Variants in ANKRD44 observed in about 807,000 individuals in gnomAD.
ANKRD44 encodes the protein serine/threonine-protein phosphatase 6 regulatory ankyrin repeat subunit B.
A neutral mutation model predicts 116.0 loss-of-function variants in ANKRD44; 35 were observed. The observed-to-expected ratio is 0.30, with a 90% CI of 0.23 to 0.40. The LOEUF (loss-of-function observed/expected upper bound fraction) is 0.40. Among genes scored for constraint, ANKRD44 ranks in the 10% least tolerant of loss-of-function variants. The probability of loss-of-function intolerance (pLI) is 1.00; values close to 1 mark genes in which losing one functional copy is unlikely to be tolerated. For missense variants in ANKRD44, 1,014 were observed against 1,242.6 expected, an observed-to-expected ratio of 0.82 and a Z score of 2.77; for synonymous variants, 435 against 461.8, an observed-to-expected ratio of 0.94 and a Z score of 0.74.
chr2:197,073,567 C>T (rs1000005099), intron 16 of ANKRD44, among the ~76,000 whole-genome samples: 4 of 152,196 alleles, frequency 2.6e-5, no homozygotes, highest in South Asian at 4.1e-4. Context: ...ATTTAGTCTT[C>T]AGATTTATCA....
At chr2:197,166,221 T>C (rs79113408) in intron 2 of ANKRD44, among the ~76,000 whole-genome samples, 49 of 152,294 alleles carry the variant, frequency 3.2e-4, no homozygotes, top group Non-Finnish European at 5.0e-4. Context: ...TCTGAAAGCT[T>C]TTGAGTTGGC....
intron 12 of ANKRD44, among the ~76,000 whole-genome samples, chr2:197,087,180 T>C (rs2077945397): frequency 6.6e-6 from 1 of 152,196 alleles, no homozygotes; most frequent in Non-Finnish European, 1.5e-5. Context: ...CACAGCAGAA[T>C]GAATTCACCA....
At chr2:197,248,554 A>ATGTG (rs3057750) in intron 1 of ANKRD44, among the ~76,000 whole-genome samples, 27 of 135,322 alleles carry the variant, frequency 2.0e-4, no homozygotes, top group Non-Finnish European at 3.3e-4. Context: ...ATATATGTAT[A>ATGTG]TGTGTGTGTG....
intron 10 of ANKRD44, among the ~76,000 whole-genome samples, chr2:197,091,199 G>A (rs2078035955): frequency 6.6e-6 from 1 of 152,222 alleles, no homozygotes; most frequent in African/African-American, 2.4e-5. Context: ...GGGAGTTGCA[G>A]GCACCCCCGC....
intron 1 of ANKRD44, among the ~76,000 whole-genome samples, chr2:197,278,875 T>C (rs1489801661): frequency 6.6e-6 from 1 of 152,214 alleles, no homozygotes; most frequent in Admixed American, 6.5e-5. Context: ...GGCGGTGTGG[T>C]CTGGAGCAAA....
At chr2:197,165,223 G>A (rs1272761113) in intron 2 of ANKRD44, among the ~76,000 whole-genome samples, 1 of 152,166 alleles carries the variant, frequency 6.6e-6, no homozygotes, top group East Asian at 1.9e-4. Context: ...AAACAAGATG[G>A]CACCATCGGA....
rs568351668 is a variant in ANKRD44, at chr2:197,214,125, A to T, written c.28-27019T>A. On this transcript the variant is annotated intron_variant, in intron 1 of 27. Transcript: ENST00000282272. ...ACCCCCATAATTTTTGTGGGAAATT[A>T]CTATAAGGAAATGATCAGAGATGAG... Among the ~76,000 whole-genome samples the T allele has an allele frequency of 1.4e-4, 22 of 152,312 alleles. 1 individual carries two copies. The highest frequency in any genetic ancestry group is 6.8e-3 in the Middle Eastern group (2 of 294).
intron 3 of ANKRD44, among the ~76,000 whole-genome samples, chr2:197,137,927 T>C (rs1417727832): frequency 2.0e-5 from 3 of 152,220 alleles, no homozygotes; most frequent in Admixed American, 2.0e-4. Context: ...TGTGCAAAAA[T>C]CAATAGGCAT....
intron 10 of ANKRD44, among the ~76,000 whole-genome samples, chr2:197,095,801 C>T (rs1396702630): frequency 6.6e-6 from 1 of 152,184 alleles, no homozygotes; most frequent in Non-Finnish European, 1.5e-5. Context: ...TTAAATGTAA[C>T]CCCTCAGAGC....
chr2:197,233,341 A>G (rs954539160), intron 1 of ANKRD44, among the ~76,000 whole-genome samples: 9 of 152,228 alleles, frequency 5.9e-5, no homozygotes, highest in South Asian at 2.1e-4. Context: ...GAAATGATCA[A>G]TGTGCCTCTC....
intron 10 of ANKRD44, among the ~76,000 whole-genome samples, chr2:197,091,400 T>C (rs887535617): frequency 2.6e-5 from 4 of 152,156 alleles, no homozygotes; most frequent in Non-Finnish European, 4.4e-5. Context: ...GTCAGGGAAA[T>C]ATCCTGCTTC....
At chr2:197,130,831 A>C (rs1401392029) in intron 4 of ANKRD44, among the ~76,000 whole-genome samples, 1 of 152,230 alleles carries the variant, frequency 6.6e-6, no homozygotes, top group Non-Finnish European at 1.5e-5. Flanking sequence ...TAAAATTTCA[A>C]CTGTAAAATA....
intron 16 of ANKRD44, among the ~76,000 whole-genome samples, chr2:197,032,424 T>C (rs981766093): frequency 6.7e-6 from 1 of 149,458 alleles, no homozygotes; most frequent in Non-Finnish European, 1.5e-5. Flanking sequence ...AGTCTCGCTC[T>C]GTTGCCCAGG....
At chr2:197,198,382 T>C (rs2081009814) in intron 1 of ANKRD44, among the ~76,000 whole-genome samples, 1 of 152,194 alleles carries the variant, frequency 6.6e-6, no homozygotes, top group Non-Finnish European at 1.5e-5. Flanking sequence ...AGGAAAAGGC[T>C]GGAGTGTCAT....
rs567108859 is a variant in ANKRD44, at chr2:197,208,583, G to A, written c.28-21477C>T. On this transcript the variant is annotated intron_variant, in intron 1 of 27. Transcript: ENST00000282272. ...TGGGAGGCCGAGGAGGGCAGATCAC[G>A]AGGTCAGGAGATTGAGACCATTCTG... Among the ~76,000 whole-genome samples, 6 of 152,184 alleles carry A rather than the reference G, an allele frequency of 3.9e-5. No homozygotes were observed. The East Asian group carries it at 5.8e-4, about 15-fold the overall frequency.
At chr2:197,054,145 A>T (rs143811775) in intron 16 of ANKRD44, among the ~76,000 whole-genome samples, 1 of 152,356 alleles carries the variant, frequency 6.6e-6, no homozygotes, top group African/African-American at 2.4e-5. Flanking sequence ...TTTATGCTCA[A>T]TGTCTAAACT....
At chr2:197,023,001 G>A (rs2076525713) in intron 17 of ANKRD44, among the ~76,000 whole-genome samples, 1 of 152,172 alleles carries the variant, frequency 6.6e-6, no homozygotes, top group Admixed American at 6.5e-5. Context: ...GCAGAGGTGG[G>A]GTTTTGTTCA....
intron 21 of ANKRD44, among the ~76,000 whole-genome samples, chr2:196,978,311 C>A (rs2075774406): frequency 2.0e-5 from 3 of 152,180 alleles, no homozygotes; most frequent in African/African-American, 7.2e-5. Flanking sequence ...TGATTGGAAG[C>A]TTCCTGAGGC....
chr2:197,103,925 C>T (rs1379890258), intron 9 of ANKRD44, among the ~76,000 whole-genome samples: 2 of 152,116 alleles, frequency 1.3e-5, no homozygotes, highest in Non-Finnish European at 2.9e-5. Context: ...TGTTACATTA[C>T]AATCCTTCCC....
Sources: allele counts gnomAD v4.1 joint callset (sites outside exome capture counted in the v4.1 genomes callset), GRCh38; gene constraint gnomAD v4.1.1; transcripts MANE v1.5; gene names NCBI Gene and HGNC (gene_info 2026-07-23, HGNC 2026-07-21).